Variants in R3HDM2 observed in about 807,000 individuals in gnomAD.
The protein encoded by R3HDM2 is R3H domain containing 2, also known as R3H domain-containing protein 2.
R3HDM2 carries 38 observed loss-of-function variants against 124.5 expected under a neutral mutation model. That is an observed-to-expected ratio of 0.31 (90% CI 0.24 to 0.40). R3HDM2 has a LOEUF of 0.40. R3HDM2 is among the 10% of genes least tolerant of loss of function. The probability of loss-of-function intolerance (pLI) is 1.00; values close to 1 mark genes in which losing one functional copy is unlikely to be tolerated. For synonymous variants in R3HDM2, 391 were observed against 448.0 expected (o/e 0.87, Z 1.61); for missense variants, 869 against 1,236.9 (o/e 0.70, Z 4.46).
chr12:57,377,827 C>T (rs571060912), intron 2 of R3HDM2, among the ~76,000 whole-genome samples: 1 of 152,230 alleles, frequency 6.6e-6, no homozygotes, highest in South Asian at 2.1e-4. Flanking sequence ...GTGGCTCACA[C>T]CTGTAATCTC....
At chr12:57,387,268 C>T (rs989432092) in intron 2 of R3HDM2, among the ~76,000 whole-genome samples, 5 of 152,180 alleles carry the variant, frequency 3.3e-5, no homozygotes, top group African/African-American at 1.2e-4. Flanking sequence ...TTTGGGTCCA[C>T]ACTGCCTTTA....
intron 13 of R3HDM2, among the ~76,000 whole-genome samples, chr12:57,281,829 A>G (rs2046217442): frequency 6.6e-6 from 1 of 152,186 alleles, no homozygotes; most frequent in Non-Finnish European, 1.5e-5. Flanking sequence ...TCCACATGAC[A>G]ATTATAATCT....
At chr12:57,347,158 A>C (rs535612526) in intron 2 of R3HDM2, among the ~76,000 whole-genome samples, 2 of 152,196 alleles carry the variant, frequency 1.3e-5, no homozygotes, top group Admixed American at 1.3e-4. Flanking sequence ...AGGAGGGAGG[A>C]TCACTTGAGT....
At chr12:57,389,253 T>C (rs572962116) in intron 2 of R3HDM2, among the ~76,000 whole-genome samples, 2 of 152,178 alleles carry the variant, frequency 1.3e-5, no homozygotes, top group Non-Finnish European at 2.9e-5. Flanking sequence ...AGCACCATGA[T>C]AGGCAATGTT....
intron 2 of R3HDM2, among the ~76,000 whole-genome samples, chr12:57,379,050 A>C (rs1274562543): frequency 6.6e-6 from 1 of 152,186 alleles, no homozygotes; most frequent in East Asian, 1.9e-4. Context: ...GGTACTTGCC[A>C]GGGCTGGGGG....
At chr12:57,430,149 G>A (rs571517338) in intron 1 of R3HDM2, among the ~76,000 whole-genome samples, 2 of 152,242 alleles carry the variant, frequency 1.3e-5, no homozygotes, top group South Asian at 2.1e-4. Context: ...GTAGTTCCGA[G>A]ACTTAATGGC....
intron 2 of R3HDM2, among the ~76,000 whole-genome samples, chr12:57,355,179 C>T (rs2061121807): frequency 2.0e-5 from 3 of 151,564 alleles, no homozygotes; most frequent in South Asian, 4.3e-4. Flanking sequence ...ACTTCTTGGC[C>T]GGGCGCGGTG....
intron 2 of R3HDM2, among the ~76,000 whole-genome samples, chr12:57,378,094 G>A (rs1258688833): frequency 1.3e-5 from 2 of 152,082 alleles, no homozygotes; most frequent in African/African-American, 4.8e-5. Context: ...GCAAGACACT[G>A]TCTCAACAAA....
At chr12:57,291,664 A>AG (rs1277438521) in intron 11 of R3HDM2, among the ~76,000 whole-genome samples, 2 of 151,302 alleles carry the variant, frequency 1.3e-5, no homozygotes, top group Non-Finnish European at 2.9e-5. Context: ...AAAAAAAAAA[A>AG]ACAAAAAAAA....
At chr12:57,297,157 C>A in intron 8 of R3HDM2, 171 bp downstream of exon 8, 2 of 523,146 alleles carry the variant, frequency 3.8e-6, no homozygotes, top group Non-Finnish European at 6.8e-6. Flanking sequence ...CAAGTGCAAG[C>A]TGCTGAAAAG....
chr12:57,361,148 G>T (rs2061911510), intron 2 of R3HDM2, among the ~76,000 whole-genome samples: 2 of 151,662 alleles, frequency 1.3e-5, no homozygotes, highest in South Asian at 4.2e-4. Flanking sequence ...GGCCGAAGTG[G>T]GCAGATCACC....
In R3HDM2 at chr12:57,284,040, G is replaced by C. The variant is rs760570327; in HGVS notation, c.955C>G (p.Leu319Val). The C allele has an allele frequency of 1.1e-5, 17 of 1,601,600 alleles. No homozygotes were observed. The East Asian group carries it at 2.9e-4, about 28-fold the overall frequency. Residue 319 changes from leucine to valine, a missense_variant, in exon 13 of 24, where the codon CTG (leucine) becomes GTG (valine). Physicochemically the swap from Leu to Val is conservative, Grantham distance 32. This residue lies in a region of R3HDM2 where 267 missense variants were observed against 447.7 expected (regional missense o/e 0.60). Coordinates refer to ENST00000402412, the MANE Select transcript of R3HDM2 (RefSeq NM_001394031.1). ...LNDIRGNREG[L>V]SRTSSSRQSS... ...TGGCGGCTGCTTGAGGTGCGGCTCA[G>C]TCCTTCACGGTTCCCCCTGCAGAGA...
intron 2 of R3HDM2, among the ~76,000 whole-genome samples, chr12:57,377,106 A>ATAAATAAG (rs59025569): frequency 7.7e-6 from 1 of 130,318 alleles, no homozygotes; most frequent in Non-Finnish European, 1.7e-5. Flanking sequence ...AAATAAATAA[A>ATAAATAAG]AGAGACTTGG....
intron 1 of R3HDM2, 149 bp downstream of exon 1, chr12:57,430,571 C>T: frequency 1.0e-6 from 1 of 985,078 alleles, no homozygotes; most frequent in Non-Finnish European, 1.2e-6. Context: ...CCGCGGCCAT[C>T]CGACCCTGAC....
At chr12:57,271,462 G>GCA (rs1174932733) in intron 14 of R3HDM2, among the ~76,000 whole-genome samples, 4 of 137,994 alleles carry the variant, frequency 2.9e-5, no homozygotes, top group South Asian at 2.4e-4. Context: ...ACACACACAC[G>GCA]CACACACAAC....
chr12:57,324,217 CTT>C (rs1230301154), intron 2 of R3HDM2, among the ~76,000 whole-genome samples: 1 of 152,162 alleles, frequency 6.6e-6, no homozygotes, highest in African/African-American at 2.4e-5. Flanking sequence ...GAGTTTCACT[CTT>C]GTTGCCCAGG....
intron 5 of R3HDM2, 130 bp downstream of exon 5, chr12:57,299,965 T>A (rs1332276201): frequency 1.3e-6 from 1 of 741,954 alleles, no homozygotes; most frequent in Non-Finnish European, 2.3e-6. Context: ...CCTGTTTTAC[T>A]ACAACAGCTT....
intron 1 of R3HDM2, among the ~76,000 whole-genome samples, chr12:57,414,849 A>G (rs2069412536): frequency 6.6e-6 from 1 of 152,062 alleles, no homozygotes; most frequent in South Asian, 2.1e-4. Context: ...AAAAAATACA[A>G]AAGAAAAGAA....
In R3HDM2 at chr12:57,277,737, C is replaced by T. The variant is rs888044773; in HGVS notation, c.1344+2621G>A. On this transcript the variant is annotated intron_variant, in intron 14 of 23. Coordinates refer to ENST00000402412, the MANE Select transcript of R3HDM2 (RefSeq NM_001394031.1). Reference sequence around the variant, plus strand: ...TGCTGGGATTACAGGCGTGAGCTACCGCACCCAGTCTCAAAGTTTTTCTTC... The same window carrying T: ...TGCTGGGATTACAGGCGTGAGCTACTGCACCCAGTCTCAAAGTTTTTCTTC... Among the ~76,000 whole-genome samples the T allele has an allele frequency of 2.0e-5, 3 of 152,124 alleles. No homozygotes were observed. The East Asian group carries it at 5.8e-4, about 29-fold the overall frequency.
Sources: allele counts gnomAD v4.1 joint callset (sites outside exome capture counted in the v4.1 genomes callset), GRCh38; gene constraint gnomAD v4.1.1; regional missense constraint gnomAD v4.1.1; transcripts MANE v1.5; gene names NCBI Gene and HGNC (gene_info 2026-07-23, HGNC 2026-07-21).